Variants in FRMD4A observed in about 807,000 individuals in gnomAD.
The protein encoded by FRMD4A is FERM domain containing 4A.
Under a neutral mutation model 129.1 loss-of-function variants are expected in FRMD4A, and 29 were observed. The ratio of observed to expected loss-of-function variants is 0.22; its 90% CI spans 0.17 to 0.31. FRMD4A has a LOEUF of 0.31. FRMD4A is among the 10% of genes least tolerant of loss of function. The pLI, the probability that FRMD4A is intolerant of heterozygous loss-of-function variation, is 1.00. For synonymous variants in FRMD4A, 634 were observed against 571.6 expected (o/e 1.11, Z -1.56); for missense variants, 1,272 against 1,375.8 (o/e 0.92, Z 1.19).
At chr10:14,061,089 C>T (rs1045199997) in intron 2 of FRMD4A, among the ~76,000 whole-genome samples, 2 of 152,090 alleles carry the variant, frequency 1.3e-5, no homozygotes, top group African/African-American at 4.8e-5. Flanking sequence ...CCAAAATCGC[C>T]AACATTTTGG....
chr10:14,133,225 G>T (rs569757567), intron 2 of FRMD4A, among the ~76,000 whole-genome samples: 2 of 152,188 alleles, frequency 1.3e-5, no homozygotes, highest in African/African-American at 4.8e-5. Flanking sequence ...TATTTGGGTC[G>T]TGAGGCCTTC....
At chr10:14,263,284 C>G (rs1350886192) in intron 2 of FRMD4A, among the ~76,000 whole-genome samples, 1 of 152,176 alleles carries the variant, frequency 6.6e-6, no homozygotes. Context: ...GCTCAGGCCT[C>G]TGCACAGAAA....
At chr10:14,001,597 AGCT>A (rs1479652360) in intron 2 of FRMD4A, among the ~76,000 whole-genome samples, 1 of 152,230 alleles carries the variant, frequency 6.6e-6, no homozygotes, top group Non-Finnish European at 1.5e-5. Flanking sequence ...ACATGACATA[AGCT>A]GCTATACAAA....
At position 13,741,437 on chromosome 10, in the gene FRMD4A, T is replaced by TGA. The variant is rs575907500; in HGVS notation, c.549-862_549-861dup. 1.3e-4 allele frequency among the ~76,000 whole-genome samples: 19 copies of TGA among 151,618 alleles called. No homozygotes were observed. The East Asian group carries it at 3.5e-3, about 28-fold the overall frequency. ...CTGCATTCCAGCCTGGGTGACAGAG[T>TGA]GAGACCCTGGCTCAAAAACAAAAAA... On this transcript the variant is annotated intron_variant, in intron 9 of 24. Transcript: ENST00000357447.
intron 2 of FRMD4A, among the ~76,000 whole-genome samples, chr10:14,210,929 G>A (rs12251351): frequency 0.33 from 50,424 of 151,876 alleles, 8,465 homozygotes; most frequent in Admixed American, 0.36. Flanking sequence ...GTGTTTCACC[G>A]TCTTGACCAG....
rs372246934 is a variant in FRMD4A at position 13,707,419 on chromosome 10, G to C, written c.760-306C>G. On this transcript the variant is annotated intron_variant, in intron 12 of 24. Coordinates refer to ENST00000357447, the MANE Select transcript of FRMD4A (RefSeq NM_018027.5). ...GTTGGTTTGGTCGTGGCAGTCCCCA[G>C]CTTGGCAGACTTTTCCCTTCCAGGA... The C allele has an allele frequency of 7.4e-6, 8 of 1,075,576 alleles. No homozygotes were observed. In the South Asian group the frequency reaches 2.2e-4, roughly 30 times the overall value. The allele number at this position is 1,075,576 out of a possible 1,614,324, so 66.6% of individuals were successfully genotyped here. A position where few individuals can be genotyped will look rare whatever the true frequency, so the allele number is the denominator to read the frequency against.
In FRMD4A at chr10:13,777,791, A is replaced by ATTTT. The variant is rs34059772; in HGVS notation, c.384+5127_384+5130dup. On this transcript the variant is annotated intron_variant, in intron 6 of 24. Coordinates refer to ENST00000357447, the MANE Select transcript of FRMD4A (RefSeq NM_018027.5). The stretch of plus-strand genomic sequence containing the variant: ...GTCTGCCCAAGTAGGCTTTGGGTCA[A>ATTTT]TTTTTTTTTTTTTTTTTTTTTTTTT... Among the ~76,000 whole-genome samples, 681 of 85,956 alleles carry ATTTT rather than the reference A, an allele frequency of 7.9e-3. 25 individuals carry two copies. The highest frequency in any genetic ancestry group is 0.026 in the African/African-American group (573 of 22,458). The allele number at this position is 85,956 out of a possible 152,430, so 56.4% of individuals were successfully genotyped here.
At position 13,745,601 on chromosome 10, in the gene FRMD4A, A is replaced by G. The variant is rs76935599; in HGVS notation, c.548+2135T>C. Among the ~76,000 whole-genome samples the G allele has an allele frequency of 4.4e-3, 670 of 152,336 alleles. 4 individuals are homozygous for G. Among genetic ancestry groups the G allele is most frequent in the African/African-American group, 0.016 (649 of 41,568 alleles). Reference sequence around the variant, plus strand: ...GCCTCTGGGTTAGTAATCATGTGTGAGTACAGAGCAGATAATGGAGATGGT... The same window carrying G: ...GCCTCTGGGTTAGTAATCATGTGTGGGTACAGAGCAGATAATGGAGATGGT... On this transcript the variant is annotated intron_variant, in intron 9 of 24. Coordinates refer to ENST00000357447, the MANE Select transcript of FRMD4A (RefSeq NM_018027.5).
intron 2 of FRMD4A, among the ~76,000 whole-genome samples, chr10:14,096,192 A>AT (rs1836950332): frequency 6.6e-6 from 1 of 152,200 alleles, no homozygotes; most frequent in Admixed American, 6.5e-5. Flanking sequence ...TAGTGTCCTT[A>AT]TAAAACAGGC....
chr10:13,695,085 A>G (rs772810119), intron 14 of FRMD4A, among the ~76,000 whole-genome samples: 2 of 152,166 alleles, frequency 1.3e-5, no homozygotes, highest in East Asian at 1.9e-4. Context: ...GCAGGTAAGA[A>G]TAATTAGAAA....
At position 14,021,432 on chromosome 10, in the gene FRMD4A, C is replaced by T. The variant is rs376018494; in HGVS notation, c.46-162520G>A. Among the ~76,000 whole-genome samples, 20 of 151,978 alleles carry T rather than the reference C, an allele frequency of 1.3e-4. No homozygotes were observed. The East Asian group carries it at 2.1e-3, about 16-fold the overall frequency. ...AACAGCTGGGCATGGTGGCTTATAC[C>T]TGTAGTCCCACCTACTTGGGAGGCT... On this transcript the variant is annotated intron_variant, in intron 2 of 24. Coordinates refer to ENST00000357447, the MANE Select transcript of FRMD4A (RefSeq NM_018027.5).
At chr10:13,984,923 T>C (rs964081509) in intron 2 of FRMD4A, among the ~76,000 whole-genome samples, 2 of 152,250 alleles carry the variant, frequency 1.3e-5, no homozygotes, top group Non-Finnish European at 2.9e-5. Flanking sequence ...CTGTGTGTAA[T>C]TTGGGGGAAG....
At chr10:13,968,797 C>T (rs1168628709) in intron 2 of FRMD4A, among the ~76,000 whole-genome samples, 2 of 152,128 alleles carry the variant, frequency 1.3e-5, no homozygotes, top group African/African-American at 2.4e-5. Flanking sequence ...CTATCATTCC[C>T]ATTCTGTAAT....
intron 2 of FRMD4A, among the ~76,000 whole-genome samples, chr10:13,910,925 A>T (rs1309342327): frequency 7.7e-6 from 1 of 129,962 alleles, no homozygotes; most frequent in Middle Eastern, 4.0e-3. Flanking sequence ...AAAAAAAAAA[A>T]AGTCTAGTGG....
At chr10:13,731,041 G>T (rs1176739023) in intron 12 of FRMD4A, among the ~76,000 whole-genome samples, 2 of 145,176 alleles carry the variant, frequency 1.4e-5, no homozygotes, top group East Asian at 4.1e-4. Context: ...AAAAAAAAAA[G>T]ATTTTTTTTT....
At chr10:14,312,360 T>C (rs1002418846) in intron 2 of FRMD4A, among the ~76,000 whole-genome samples, 102 of 152,334 alleles carry the variant, frequency 6.7e-4, no homozygotes, top group African/African-American at 2.4e-3. Context: ...CCTATTAGAA[T>C]CAGTTCTCAT....
chr10:14,194,335 G>C (rs1842407810), intron 2 of FRMD4A, among the ~76,000 whole-genome samples: 2 of 152,186 alleles, frequency 1.3e-5, no homozygotes, highest in East Asian at 3.9e-4. Context: ...AGGAGGCCGG[G>C]TGCAGTGGTT....
intron 2 of FRMD4A, among the ~76,000 whole-genome samples, chr10:14,167,922 T>C (rs751982441): frequency 6.6e-6 from 1 of 152,200 alleles, no homozygotes; most frequent in Non-Finnish European, 1.5e-5. Context: ...GCAGTGTTTC[T>C]GCAACACGTG....
chr10:14,060,872 A>G (rs1834775307), intron 2 of FRMD4A, among the ~76,000 whole-genome samples: 1 of 152,218 alleles, frequency 6.6e-6, no homozygotes, highest in South Asian at 2.1e-4. Flanking sequence ...GCCAAAAATA[A>G]TATAAAAAAA....
Sources: gnomAD v4.1 joint callset for allele counts (sites outside exome capture counted in the v4.1 genomes callset) on GRCh38, gnomAD v4.1.1 for gene constraint, MANE v1.5 for transcripts, NCBI Gene and HGNC (gene_info 2026-07-23, HGNC 2026-07-21) for gene names.